The following ABL2 variants were observed in gnomAD, a reference collection of about 807,000 sequenced individuals.
ABL2 encodes the protein ABL proto-oncogene 2, non-receptor tyrosine kinase.
A neutral mutation model predicts 107.7 loss-of-function variants in ABL2; 49 were observed. The observed-to-expected ratio is 0.45, with a 90% CI of 0.36 to 0.58. The LOEUF (loss-of-function observed/expected upper bound fraction) is 0.58, where lower values mean the gene tolerates loss of function less well. Ranked by LOEUF, ABL2 falls within the 20% of genes least tolerant of loss-of-function variation. ABL2 has a pLI of 0.00. For missense variants in ABL2, 1,245 were observed against 1,457.0 expected (o/e 0.85, Z 2.37); for synonymous variants, 549 against 548.6 (o/e 1.00, Z -0.01).
intron 4 of ABL2, 98 bp from the exon 5 acceptor site, chr1:179,121,965 A>T (rs1478369879): frequency 8.3e-7 from 1 of 1,209,810 alleles, no homozygotes; most frequent in Admixed American, 3.5e-5. Flanking sequence ...TTGTTCTGTC[A>T]CCCAGGCTGG....
At chr1:179,195,531 T>C (rs1433397981) in intron 1 of ABL2, among the ~76,000 whole-genome samples, 1 of 152,166 alleles carries the variant, frequency 6.6e-6, no homozygotes, top group Non-Finnish European at 1.5e-5. Context: ...CTTCTGTATA[T>C]ATATATTCAA....
chr1:179,148,319 G>T (rs1334296850), intron 1 of ABL2, among the ~76,000 whole-genome samples: 5 of 152,106 alleles, frequency 3.3e-5, no homozygotes, highest in African/African-American at 9.7e-5. Flanking sequence ...GGTATTACGG[G>T]TGTGAACCAC....
chr1:179,136,709 A>AAAATCAATAAATAAAT (rs1657032749), intron 1 of ABL2, among the ~76,000 whole-genome samples: 1 of 140,642 alleles, frequency 7.1e-6, no homozygotes, highest in African/African-American at 2.6e-5. Flanking sequence ...TGATCAATAA[A>AAAATCAATAAATAAAT]AAATAAATAA....
At position 179,192,530 on chromosome 1, in the gene ABL2, A is replaced by T. The variant is rs28914469; in HGVS notation, c.157+36711T>A. Among the ~76,000 whole-genome samples the T allele has an allele frequency of 4.9e-3, 748 of 152,302 alleles. 5 individuals are homozygous for T. The highest frequency in any genetic ancestry group is 0.017 in the African/African-American group (700 of 41,568). ...TGCCTGAATTTCCATTTTCCAAGTC[A>T]TGTTATCATAATGGCACACCAATTC... On this transcript the variant is annotated intron_variant, in intron 1 of 11. Coordinates refer to ENST00000502732, the MANE Select transcript of ABL2 (RefSeq NM_007314.4).
intron 1 of ABL2, among the ~76,000 whole-genome samples, chr1:179,226,866 T>G (rs1376508186): frequency 6.6e-6 from 1 of 152,112 alleles, no homozygotes; most frequent in Non-Finnish European, 1.5e-5. Context: ...TCCAAAGTGA[T>G]CTCTCTTCTT....
In ABL2 at chr1:179,106,635, GA is replaced by G. The variant is rs1653490284; in HGVS notation, c.*1082del. ...TGGTAAGGGAAGGGAAAGGTACAGA[GA>G]AACAGCCATTAGGACCAAGCCAGCT... On this transcript the variant is annotated 3_prime_UTR_variant, in exon 12 of 12. Transcript: ENST00000502732. 1 of 232,284 alleles carries G rather than the reference GA, an allele frequency of 4.3e-6. No homozygotes were observed. The highest frequency in any genetic ancestry group is 8.5e-6 in the Non-Finnish European group (1 of 117,530). The allele number at this position is 232,284 out of a possible 1,614,324, so 14.4% of individuals were successfully genotyped here. A position where few individuals can be genotyped will look rare whatever the true frequency, so the allele number is the denominator to read the frequency against.
intron 1 of ABL2, among the ~76,000 whole-genome samples, chr1:179,223,177 G>A (rs1006649649): frequency 6.6e-6 from 1 of 151,028 alleles, no homozygotes; most frequent in African/African-American, 2.4e-5. Flanking sequence ...ACTTTGGGAG[G>A]CCAAGGTGGG....
chr1:179,211,010 T>C (rs1050853284), intron 1 of ABL2, among the ~76,000 whole-genome samples: 11 of 152,128 alleles, frequency 7.2e-5, no homozygotes, highest in Admixed American at 4.6e-4. Flanking sequence ...TGACGCCACC[T>C]TGACAACCAC....
At chr1:179,187,078 A>G (rs1169263920) in intron 1 of ABL2, among the ~76,000 whole-genome samples, 1 of 151,920 alleles carries the variant, frequency 6.6e-6, no homozygotes, top group East Asian at 1.9e-4. Flanking sequence ...TTGGTTTTCC[A>G]TTTTCTACAT....
At position 179,108,367 on chromosome 1, in the gene ABL2, G is replaced by A. The variant is rs953840035; in HGVS notation, c.2900C>T (p.Thr967Ile). The change falls in exon 12 of 12, where the codon ACA becomes ATA. Residue 967 changes from threonine to isoleucine, a missense_variant. Physicochemically the swap from Thr to Ile is moderately conservative, Grantham distance 89. Transcript: ENST00000502732. ...KFKLLSEHQVTSSGDKDRPRR... is the reference protein window; with the variant it reads ...KFKLLSEHQVISSGDKDRPRR... ...GGGTCGGTCCTTGTCTCCAGAGGAT[G>A]TGACCTGATGCTCAGATAAGAGCTT... is the stretch of plus-strand genomic sequence containing the variant. 6 of 1,614,126 alleles carry A rather than the reference G, an allele frequency of 3.7e-6. No individual in the cohort carries two copies. Among genetic ancestry groups the A allele is most frequent in the Non-Finnish European group, 5.1e-6 (6 of 1,180,054 alleles).
intron 1 of ABL2, among the ~76,000 whole-genome samples, chr1:179,179,984 C>T (rs906474946): frequency 1.3e-5 from 2 of 151,498 alleles, no homozygotes; most frequent in Non-Finnish European, 2.9e-5. Flanking sequence ...TGGTGGCACA[C>T]GCCTGTCATC....
chr1:179,172,105 C>T (rs1296836988), intron 1 of ABL2, among the ~76,000 whole-genome samples: 2 of 152,136 alleles, frequency 1.3e-5, no homozygotes. Flanking sequence ...AATAAATTCA[C>T]TTTAAACATC....
intron 1 of ABL2, among the ~76,000 whole-genome samples, chr1:179,134,848 G>A (rs140477729): frequency 6.6e-6 from 1 of 152,226 alleles, no homozygotes; most frequent in Admixed American, 6.5e-5. Flanking sequence ...TCCTGCCTCA[G>A]CTTGCTGAGT....
At chr1:179,210,722 C>T (rs556694496) in intron 1 of ABL2, among the ~76,000 whole-genome samples, 8 of 151,284 alleles carry the variant, frequency 5.3e-5, no homozygotes, top group African/African-American at 1.9e-4. Flanking sequence ...GGCTTAGTGG[C>T]GGGCGCCTGT....
At chr1:179,185,873 A>G (rs1557983497) in intron 1 of ABL2, among the ~76,000 whole-genome samples, 1 of 152,190 alleles carries the variant, frequency 6.6e-6, no homozygotes, top group Non-Finnish European at 1.5e-5. Flanking sequence ...AACTTGAAAT[A>G]CTTAATAGCT....
chr1:179,112,753 C>T (rs1169901685), intron 9 of ABL2, among the ~76,000 whole-genome samples: 1 of 149,680 alleles, frequency 6.7e-6, no homozygotes, highest in Non-Finnish European at 1.5e-5. Flanking sequence ...CCACGCCCAG[C>T]TAATTTTTTT....
chr1:179,180,392 G>A (rs957443360), intron 1 of ABL2, among the ~76,000 whole-genome samples: 4 of 152,172 alleles, frequency 2.6e-5, no homozygotes, highest in African/African-American at 9.7e-5. Context: ...TTTCTTATAC[G>A]TTCCCTCTGA....
Position 179,106,175 on chromosome 1 carries a change from T to C in ABL2, c.*1543A>G, listed in dbSNP as rs1653460518. The C allele has an allele frequency of 4.5e-6, 1 of 222,648 alleles. No individual in the cohort carries two copies. Among genetic ancestry groups the C allele is most frequent in the Non-Finnish European group, 9.0e-6 (1 of 111,500 alleles). 13.8% of individuals were successfully genotyped at this position (222,648 alleles called of 1,614,324 possible). Reference sequence around the variant, plus strand: ...GGATGGGGGAAGTATTCATAAAGCTTTAAAAAGAGAATGAAGCAGTAACTG... The same window carrying C: ...GGATGGGGGAAGTATTCATAAAGCTCTAAAAAGAGAATGAAGCAGTAACTG... On this transcript the variant is annotated 3_prime_UTR_variant, in exon 12 of 12. Transcript: ENST00000502732.
chr1:179,154,668 T>A (rs1025775986), intron 1 of ABL2, among the ~76,000 whole-genome samples: 1 of 152,240 alleles, frequency 6.6e-6, no homozygotes, highest in African/African-American at 2.4e-5. Context: ...TGAAACAGAA[T>A]ACTGGCTGAA....
Sources: gnomAD v4.1 joint callset for allele counts (sites outside exome capture counted in the v4.1 genomes callset) on GRCh38, gnomAD v4.1.1 for gene constraint, MANE v1.5 for transcripts, NCBI Gene and HGNC (gene_info 2026-07-23, HGNC 2026-07-21) for gene names.